Variants in CEP350 observed in about 807,000 individuals in gnomAD.
CEP350 encodes centrosome-associated protein 350.
Under a neutral mutation model 331.8 loss-of-function variants are expected in CEP350, and 126 were observed. The ratio of observed to expected loss-of-function variants is 0.38; its 90% confidence interval spans 0.33 to 0.44. CEP350 has a LOEUF of 0.44. Among genes scored for constraint, CEP350 ranks in the 20% least tolerant of loss-of-function variants. The pLI is 1.00. For missense variants in CEP350, 3,406 were observed against 3,634.6 expected, an observed-to-expected ratio of 0.94 and a Z score of 1.62; for synonymous variants, 1,200 against 1,259.5, an observed-to-expected ratio of 0.95 and a Z score of 1.00.
chr1:179,956,425 A>C (rs1245699088), intron 1 of CEP350, among the ~76,000 whole-genome samples: 1 of 152,204 alleles, frequency 6.6e-6, no homozygotes, highest in East Asian at 1.9e-4. Context: ...AAAAAATTTC[A>C]TACGTATGTG....
intron 21 of CEP350, among the ~76,000 whole-genome samples, chr1:180,044,613 T>C (rs1656992832): frequency 7.9e-6 from 1 of 127,092 alleles, no homozygotes; most frequent in Non-Finnish European, 1.6e-5. Flanking sequence ...CACTCATAGG[T>C]GGGAATTGAA....
chr1:179,976,231 G>A (rs1160061994), intron 1 of CEP350, among the ~76,000 whole-genome samples: 2 of 150,748 alleles, frequency 1.3e-5, no homozygotes, highest in African/African-American at 2.4e-5. Flanking sequence ...CTGTAAATCA[G>A]AAAAAAAAAT....
At chr1:180,055,000 A>G (rs1361831036) in intron 25 of CEP350, among the ~76,000 whole-genome samples, 1 of 152,170 alleles carries the variant, frequency 6.6e-6, no homozygotes, top group Non-Finnish European at 1.5e-5. Flanking sequence ...TAAAATCCCA[A>G]CTTTACCAGT....
intron 1 of CEP350, among the ~76,000 whole-genome samples, chr1:179,982,635 A>AATTATCAATTGT (rs1652362344): frequency 1.3e-5 from 2 of 152,208 alleles, no homozygotes; most frequent in African/African-American, 4.8e-5. Context: ...ATTGATAATC[A>AATTATCAATTGT]CTATATATTT....
chr1:180,046,308 G>T (rs990656034), intron 21 of CEP350, among the ~76,000 whole-genome samples: 1 of 152,134 alleles, frequency 6.6e-6, no homozygotes, highest in Non-Finnish European at 1.5e-5. Context: ...GCCTATTCTG[G>T]ATTTTTTATA....
At position 180,113,908 on chromosome 1, in the gene CEP350, G is replaced by A. The variant is rs1462606583; in HGVS notation, c.*2747G>A. The A allele has an allele frequency of 1.3e-5, 2 of 152,582 alleles. No individual in the cohort carries two copies. The highest frequency in any genetic ancestry group is 2.9e-5 in the Non-Finnish European group (2 of 68,038). The allele number at this position is 152,582 out of a possible 1,614,324, so 9.5% of individuals were successfully genotyped here. A position where few individuals can be genotyped will look rare whatever the true frequency, so the allele number is the denominator to read the frequency against. On this transcript the variant is annotated 3_prime_UTR_variant, in exon 38 of 38. Transcript: ENST00000367607. Reference sequence around the variant, plus strand: ...ATACAGGCTTCAGATTTACTTCTGAGTCCAAAACAATTTGTGCTATCCAGG... The same window carrying A: ...ATACAGGCTTCAGATTTACTTCTGAATCCAAAACAATTTGTGCTATCCAGG...
chr1:180,028,802 C>CA (rs60225098), intron 14 of CEP350, among the ~76,000 whole-genome samples: 18 of 148,010 alleles, frequency 1.2e-4, no homozygotes, highest in Middle Eastern at 3.4e-3. Context: ...AGACCTGTCT[C>CA]AAAAAAAAAG....
At chr1:180,004,892 TTG>T (rs1558093030) in intron 7 of CEP350, among the ~76,000 whole-genome samples, 11 of 43,984 alleles carry the variant, frequency 2.5e-4, no homozygotes, top group African/African-American at 5.8e-4. Flanking sequence ...GCTTGCTTGC[TTG>T]CTTGCTTGCT....
At chr1:180,106,464 C>T (rs1031168169) in intron 37 of CEP350, among the ~76,000 whole-genome samples, 1 of 152,174 alleles carries the variant, frequency 6.6e-6, no homozygotes, top group Admixed American at 6.5e-5. Flanking sequence ...AGTATTGTCT[C>T]CTGTTGTCTG....
rs1440729115 is a variant in CEP350 at position 180,011,931 on chromosome 1, A to G, written c.1249A>G (p.Ser417Gly). 1.3e-6 allele frequency: 2 copies of G among 1,590,928 alleles called. No individual in the cohort carries two copies. Among genetic ancestry groups the G allele is most frequent in the Non-Finnish European group, 1.7e-6 (2 of 1,168,440 alleles). ...QLSSTECRTG[S>G]SHLISTSSWR... is the part of the protein sequence containing the mutation. ...TTCAGTGCCATGTATTTTTTTAGGT[A>G]GTAGTCATCTTATAAGTACATCTTC... Residue 417 changes from serine to glycine, a missense_variant and splice_region_variant, in exon 9 of 38, where the codon AGT becomes GGT. By Grantham distance (56) the Ser-to-Gly change is moderately conservative (BLOSUM62 0). Transcript: ENST00000367607.
chr1:179,994,677 C>T (rs1405672962), intron 5 of CEP350, among the ~76,000 whole-genome samples: 1 of 152,024 alleles, frequency 6.6e-6, no homozygotes, highest in Admixed American at 6.6e-5. Context: ...TGGTCTCATA[C>T]TCCTGGGCTC....
At chr1:180,072,843 T>C (rs1658983549) in intron 27 of CEP350, among the ~76,000 whole-genome samples, 1 of 152,200 alleles carries the variant, frequency 6.6e-6, no homozygotes, top group Admixed American at 6.5e-5. Flanking sequence ...CTCCTTGCCC[T>C]TCCAAGGCAA....
At chr1:179,989,366 C>T (rs1285040153) in intron 3 of CEP350, among the ~76,000 whole-genome samples, 1 of 150,778 alleles carries the variant, frequency 6.6e-6, no homozygotes, top group African/African-American at 2.4e-5. Context: ...ATCTGTAGTC[C>T]CAGCTATTTG....
intron 30 of CEP350, among the ~76,000 whole-genome samples, chr1:180,081,752 A>T (rs1659580632): frequency 6.6e-6 from 1 of 152,248 alleles, no homozygotes; most frequent in African/African-American, 2.4e-5. Flanking sequence ...ATATCTAAAC[A>T]TAGAAAAGGT....
chr1:180,020,058 C>T lies in CEP350; in HGVS notation c.2284C>T (p.Leu762Phe), dbSNP rs1481020698. 7 of 1,614,026 alleles carry T rather than the reference C, an allele frequency of 4.3e-6. No homozygotes were observed. The highest frequency in any genetic ancestry group is 1.3e-5 in the African/African-American group (1 of 75,068). Reference protein sequence around the residue: ...AGTAGSLLSHLLSLEHVGILH... With the variant: ...AGTAGSLLSHFLSLEHVGILH... ...AACAGCTGGAAGTTTACTCTCCCAT[C>T]TCTTGAGTTTAGAGCATGTAGGAAT... The change falls in exon 12 of 38, where the codon CTC becomes TTC. Residue 762 changes from leucine to phenylalanine, a missense_variant. Coordinates refer to ENST00000367607, the MANE Select transcript of CEP350 (RefSeq NM_014810.5).
intron 36 of CEP350, among the ~76,000 whole-genome samples, chr1:180,098,535 T>G (rs547980468): frequency 5.3e-5 from 8 of 150,696 alleles, no homozygotes; most frequent in African/African-American, 1.7e-4. Context: ...AGAGATGAGG[T>G]CTCTCACTAT....
intron 13 of CEP350, among the ~76,000 whole-genome samples, chr1:180,023,328 A>C (rs2148845870): frequency 6.6e-6 from 1 of 152,262 alleles, no homozygotes; most frequent in Non-Finnish European, 1.5e-5. Context: ...CATAGTAAGC[A>C]GAGTATAGGT....
rs750555945 is a variant in CEP350 at position 180,093,070 on chromosome 1, T to A, written c.6965T>A (p.Leu2322His). The change falls in exon 34 of 38, where the codon CTC becomes CAC. Residue 2322 changes from leucine to histidine, a missense_variant. Physicochemically the swap from Leu to His is moderately conservative, Grantham distance 99. This residue lies in a region of CEP350 where 1,415 missense variants were observed against 1,512.3 expected (regional missense o/e 0.94). Transcript: ENST00000367607. ...KDLVGLAIEN[L>H]HKSEEMLKER... is the part of the protein sequence containing the mutation. Reference sequence around the variant, plus strand: ...CTAGTTGGATTAGCTATTGAAAATCTCCATAAAAGTGAGGAAATGTTGAAA... The same window carrying A: ...CTAGTTGGATTAGCTATTGAAAATCACCATAAAAGTGAGGAAATGTTGAAA... 7 of 1,605,498 alleles carry A rather than the reference T, an allele frequency of 4.4e-6. No homozygotes were observed. Among genetic ancestry groups the A allele is most frequent in the Non-Finnish European group, 6.0e-6 (7 of 1,175,390 alleles).
At chr1:180,071,830 A>C (rs1334397337) in intron 27 of CEP350, among the ~76,000 whole-genome samples, 3 of 152,158 alleles carry the variant, frequency 2.0e-5, no homozygotes, top group Non-Finnish European at 4.4e-5. Context: ...AAGTTCAAAC[A>C]TTTTAGAAAC....
Sources: allele counts gnomAD v4.1 joint callset (sites outside exome capture counted in the v4.1 genomes callset), GRCh38; gene constraint gnomAD v4.1.1; regional missense constraint gnomAD v4.1.1; transcripts MANE v1.5; gene names NCBI Gene and HGNC (gene_info 2026-07-23, HGNC 2026-07-21).